The following TRMU variants were observed in gnomAD, a reference collection of about 807,000 sequenced individuals.
The protein encoded by TRMU is mitochondrial tRNA-specific 2-thiouridylase 1.
TRMU carries 49 observed loss-of-function variants against 46.9 expected under a neutral mutation model. The observed-to-expected ratio is 1.05, with a 90% CI of 0.83 to 1.33. The LOEUF (loss-of-function observed/expected upper bound fraction) is 1.33. TRMU is among the 40% of genes most tolerant of loss of function. The pLI, the probability that TRMU is intolerant of heterozygous loss-of-function variation, is 0.00. For synonymous variants in TRMU, 241 were observed against 200.9 expected (o/e 1.20, Z -1.69); for missense variants, 572 against 532.4 (o/e 1.07, Z -0.73).
At chr22:46,335,867 G>A in intron 1 of TRMU, 21 bp downstream of exon 1, 3 of 1,528,170 alleles carry the variant, frequency 2.0e-6, no homozygotes, top group South Asian at 1.2e-5. Context: ...CGAGGCTCCC[G>A]CCCCCCGCCG....
In TRMU at chr22:46,356,706, C is replaced by G; in HGVS notation, c.1102-136C>G. On this transcript the variant is annotated intron_variant, in intron 10 of 10. Transcript: ENST00000645190. ...TCCTGTTCAGCAGCAGCAGCAGCAG[C>G]AAAACCCTGCTCCCCTGGGAGCTCA... 5 of 1,073,026 alleles carry G rather than the reference C, an allele frequency of 4.7e-6. No homozygotes were observed. The South Asian group carries it at 7.4e-5, about 16-fold the overall frequency. 66.5% of individuals were successfully genotyped at this position (1,073,026 alleles called of 1,614,324 possible).
rs1169192215 is a variant in TRMU at position 46,357,279 on chromosome 22, A to G, written c.*273A>G. On this transcript the variant is annotated 3_prime_UTR_variant, in exon 11 of 11. Transcript: ENST00000645190. The stretch of plus-strand genomic sequence containing the variant: ...GGGAGGGTTTCCCACCTCAGAGTAC[A>G]CCGAGGGGACCTGCAGAGGGGGCTG... 4 of 557,510 alleles carry G rather than the reference A, an allele frequency of 7.2e-6. No homozygotes were observed. The East Asian group carries it at 1.3e-4, about 18-fold the overall frequency. The allele number at this position is 557,510 out of a possible 1,614,324, so 34.5% of individuals were successfully genotyped here.
rs1322351875 is a variant in TRMU at position 46,355,310 on chromosome 22, C to G, written c.874-134C>G. Reference sequence around the variant, plus strand: ...ATGAGATGAATTTCTGTGGGTAGAACACTTCGAGCGGTGCCAGCACCGTTA... The same window carrying G: ...ATGAGATGAATTTCTGTGGGTAGAAGACTTCGAGCGGTGCCAGCACCGTTA... On this transcript the variant is annotated intron_variant, in intron 8 of 10. Transcript: ENST00000645190. 4.4e-6 allele frequency: 6 copies of G among 1,366,590 alleles called. No homozygotes were observed. In the African/African-American group the frequency reaches 5.8e-5, roughly 13 times the overall value. The allele number at this position is 1,366,590 out of a possible 1,614,324, so 84.7% of individuals were successfully genotyped here.
rs1425924129 is a variant in TRMU at position 46,357,142 on chromosome 22, C to T, written c.*136C>T. Reference sequence around the variant, plus strand: ...CCGGGCTGGCTGAGGGTCCGAAAAGCCTGCAGGGGCCCGGCGAGCCCCAGG... The same window carrying T: ...CCGGGCTGGCTGAGGGTCCGAAAAGTCTGCAGGGGCCCGGCGAGCCCCAGG... On this transcript the variant is annotated 3_prime_UTR_variant, in exon 11 of 11. Transcript: ENST00000645190. 22 of 1,221,836 alleles carry T rather than the reference C, an allele frequency of 1.8e-5. No individual in the cohort carries two copies. Among genetic ancestry groups the T allele is most frequent in the Non-Finnish European group, 2.6e-5 (22 of 861,760 alleles). The allele number at this position is 1,221,836 out of a possible 1,614,324, so 75.7% of individuals were successfully genotyped here.
intron 10 of TRMU, 41 bp from the exon 11 acceptor site, chr22:46,356,801 C>T (rs1306043723): frequency 9.3e-6 from 15 of 1,610,250 alleles, no homozygotes; most frequent in Non-Finnish European, 1.3e-5. Flanking sequence ...CCTCGGCTGG[C>T]TCCCTGTGGC....
In TRMU at chr22:46,351,993, G is replaced by A. The variant is rs536193226; in HGVS notation, c.652-128G>A. The stretch of plus-strand genomic sequence containing the variant: ...CGGCCGAGGGTGCCGGTGGGCAGCC[G>A]GGCCCCTACCCTGGAAGCAAAGTGT... On this transcript the variant is annotated intron_variant, in intron 5 of 10. Transcript: ENST00000645190. The surrounding 1 kb of genome is among the most constrained non-coding windows in gnomAD (Gnocchi z 6.4). The A allele has an allele frequency of 5.1e-5, 54 of 1,051,576 alleles. No homozygotes were observed. In the East Asian group the frequency reaches 5.9e-4, roughly 12 times the overall value. The allele number at this position is 1,051,576 out of a possible 1,614,324, so 65.1% of individuals were successfully genotyped here.
At chr22:46,354,106 C>T (rs923765793) in intron 8 of TRMU, 15 of 468,178 alleles carry the variant, frequency 3.2e-5, no homozygotes, top group South Asian at 2.5e-4. Context: ...AACCCCGATA[C>T]ACAGATACAG....
At position 46,356,834 on chromosome 22, in the gene TRMU, C is replaced by T. The variant is rs767170283; in HGVS notation, c.1102-8C>T. On this transcript the variant is annotated splice_region_variant and splice_polypyrimidine_tract_variant and intron_variant, in intron 10 of 10. Transcript: ENST00000645190. ...GGCACCCCTGATGCCAGGGTCTCTC[C>T]CCTACAGTTTGCTGTGTTCTACAAG... 12 of 1,613,082 alleles carry T rather than the reference C, an allele frequency of 7.4e-6. No homozygotes were observed. In the South Asian group the frequency reaches 1.2e-4, roughly 16 times the overall value.
rs367937495 is a variant in TRMU, at chr22:46,351,270, G to A, written c.651+807G>A. On this transcript the variant is annotated intron_variant, in intron 5 of 10. Transcript: ENST00000645190. This position sits in a 1 kb window ranked among gnomAD's most constrained non-coding sequence, Gnocchi z 6.4. Reference sequence around the variant, plus strand: ...GTGGCCCCAGCTCCTCAGGAGGATCGAGCGCACCCAGGAGTTTGAGGACAG... The same window carrying A: ...GTGGCCCCAGCTCCTCAGGAGGATCAAGCGCACCCAGGAGTTTGAGGACAG... 2.4e-4 allele frequency among the ~76,000 whole-genome samples: 37 copies of A among 152,294 alleles called. No individual in the cohort carries two copies. The Middle Eastern group carries it at 0.017, about 70-fold the overall frequency.
In TRMU at chr22:46,350,387, T is replaced by C. The variant is rs1555898591; in HGVS notation, c.575T>C (p.Leu192Pro). Residue 192 changes from leucine to proline, a missense_variant, in exon 5 of 11, where the codon CTG (leucine) becomes CCG (proline). Leu to Pro is a moderately conservative substitution (Grantham distance 98). Transcript: ENST00000645190. This position sits in a 1 kb window ranked among gnomAD's most constrained non-coding sequence, Gnocchi z 4.6. ...QDALRRTIFP[L>P]GGLTKEFVKK... is the part of the protein sequence containing the mutation. ...GCCCTGAGGAGAACCATCTTCCCTCTGGGGGGATTAACGAAAGAGTTTGTA... is the reference window on the plus strand; with the variant it reads ...GCCCTGAGGAGAACCATCTTCCCTCCGGGGGGATTAACGAAAGAGTTTGTA... 1.8e-5 allele frequency: 29 copies of C among 1,614,080 alleles called. No individual in the cohort carries two copies. The highest frequency in any genetic ancestry group is 2.5e-5 in the Non-Finnish European group (29 of 1,180,042).
chr22:46,353,738 A>G, intron 7 of TRMU, 29 bp from the exon 8 acceptor site: 2 of 1,608,252 alleles, frequency 1.2e-6, no homozygotes, highest in Non-Finnish European at 1.7e-6. Context: ...CTTGTTGCCC[A>G]GCCTCATGGA....
At chr22:46,341,681 C>G (rs1465228065) in intron 2 of TRMU, among the ~76,000 whole-genome samples, 1 of 151,886 alleles carries the variant, frequency 6.6e-6, no homozygotes, top group African/African-American at 2.4e-5. Flanking sequence ...CATCATAACC[C>G]TCTTGAAGTG....
chr22:46,349,734 C>G lies in TRMU; in HGVS notation c.479-557C>G, dbSNP rs1435820196. Among the ~76,000 whole-genome samples the G allele has an allele frequency of 2.6e-5, 4 of 152,202 alleles. No individual in the cohort carries two copies. The highest frequency in any genetic ancestry group is 5.9e-5 in the Non-Finnish European group (4 of 68,044). On this transcript the variant is annotated intron_variant, in intron 4 of 10. Transcript: ENST00000645190. This position sits in a 1 kb window ranked among gnomAD's most constrained non-coding sequence, Gnocchi z 4.6. ...TGCAGGGTCACCTAACAGATGTCAG[C>G]TGAGACTCTCAACAAAAAAACGTTT...
At chr22:46,337,665 G>T in intron 1 of TRMU, 114 bp from the exon 2 acceptor site, 1 of 1,408,580 alleles carries the variant, frequency 7.1e-7, no homozygotes, top group Non-Finnish European at 9.8e-7. Flanking sequence ...CGGCAGGCCA[G>T]GCACAGAGGC....
At chr22:46,356,235 C>T in intron 10 of TRMU, 163 bp downstream of exon 10, 1 of 691,578 alleles carries the variant, frequency 1.4e-6, no homozygotes, top group African/African-American at 1.8e-5. Flanking sequence ...GGGGGCTCCT[C>T]CCACAGTGAC....
At position 46,350,197 on chromosome 22, in the gene TRMU, G is replaced by A. The variant is rs2078372561; in HGVS notation, c.479-94G>A. 1.4e-6 allele frequency: 2 copies of A among 1,454,352 alleles called. No individual in the cohort carries two copies. The highest frequency in any genetic ancestry group is 1.9e-6 in the Non-Finnish European group (2 of 1,040,992). The allele number at this position is 1,454,352 out of a possible 1,614,324, so 90.1% of individuals were successfully genotyped here. On this transcript the variant is annotated intron_variant, in intron 4 of 10. Transcript: ENST00000645190. The surrounding 1 kb of genome is among the most constrained non-coding windows in gnomAD (Gnocchi z 4.6). ...TTGATGTCTGCCTCTGACAGGCTAG[G>A]GGTAGTCTGTCTAAGTGAACAGAAG...
At chr22:46,355,692 G>T (rs2078582745) in intron 9 of TRMU, 104 bp downstream of exon 9, 1 of 1,571,586 alleles carries the variant, frequency 6.4e-7, no homozygotes, top group East Asian at 2.3e-5. Context: ...AAGTCCCGTT[G>T]TGGAGATCAT....
Position 46,348,319 on chromosome 22 carries a change from G to A in TRMU, c.478+1775G>A, listed in dbSNP as rs1430991871. Among the ~76,000 whole-genome samples the A allele has an allele frequency of 6.6e-6, 1 of 152,248 alleles. No homozygotes were observed. The highest frequency in any genetic ancestry group is 1.5e-5 in the Non-Finnish European group (1 of 68,036). On this transcript the variant is annotated intron_variant, in intron 4 of 10. Transcript: ENST00000645190. The surrounding 1 kb of genome is among the most constrained non-coding windows in gnomAD (Gnocchi z 4.8). ...CACGTGCCCTCGGAAACTTGGGACA[G>A]TACTGATGCGTTCTGTTGAGTGCGT...
In TRMU at chr22:46,347,343, AATTATT is replaced by A. The variant is rs1468159323; in HGVS notation, c.478+807_478+812del. Reference sequence around the variant, plus strand: ...CTTTACATACACACATTTCTTTTTTAATTATTATTATTAATTTTATTTTTTTGAGAG... The same window carrying A: ...CTTTACATACACACATTTCTTTTTTAATTATTAATTTTATTTTTTTGAGAG... On this transcript the variant is annotated intron_variant, in intron 4 of 10. Coordinates refer to ENST00000645190, the MANE Select transcript of TRMU (RefSeq NM_018006.5). This position sits in a 1 kb window ranked among gnomAD's most constrained non-coding sequence, Gnocchi z 5.0. 7 of 151,922 alleles carry A rather than the reference AATTATT, an allele frequency of 4.6e-5. No homozygotes were observed. Among genetic ancestry groups the A allele is most frequent in the Admixed American group, 3.3e-4 (5 of 15,254 alleles). The allele number at this position is 151,922 out of a possible 1,614,324, so 9.4% of individuals were successfully genotyped here.
Sources: allele counts gnomAD v4.1 joint callset (sites outside exome capture counted in the v4.1 genomes callset), GRCh38; gene constraint gnomAD v4.1.1; non-coding constraint Gnocchi (gnomAD v3.1); transcripts MANE v1.5; gene names NCBI Gene and HGNC (gene_info 2026-07-23, HGNC 2026-07-21).